LYPD6: variants seen among roughly 807,000 people sequenced by gnomAD.
LYPD6 encodes the protein LY6/PLAUR domain containing 6, also known as ly6/PLAUR domain-containing protein 6.
Under a neutral mutation model 22.7 loss-of-function variants are expected in LYPD6, and 15 were observed. The ratio of observed to expected loss-of-function variants is 0.66; its 90% CI spans 0.44 to 1.02. The LOEUF (loss-of-function observed/expected upper bound fraction) is 1.02. Among genes scored for constraint, LYPD6 ranks in the 50% least tolerant of loss-of-function variants. LYPD6 has a pLI of 0.00. For synonymous variants in LYPD6, 72 were observed against 77.5 expected (o/e 0.93, Z 0.37); for missense variants, 189 against 208.4 (o/e 0.91, Z 0.57).
intron 3 of LYPD6, among the ~76,000 whole-genome samples, chr2:149,453,184 A>T (rs1680874096): frequency 6.6e-6 from 1 of 152,218 alleles, no homozygotes; most frequent in African/African-American, 2.4e-5. Context: ...ATGGAAAAGG[A>T]TCTTGAAATC....
intron 1 of LYPD6, among the ~76,000 whole-genome samples, chr2:149,355,489 C>T (rs1314156445): frequency 2.6e-5 from 4 of 152,060 alleles, no homozygotes; most frequent in Non-Finnish European, 4.4e-5. Context: ...TTTTTGATAC[C>T]CTTCCAAAAT....
In LYPD6 at chr2:149,408,236, G is replaced by A. The variant is rs966141836; in HGVS notation, c.-71-29402G>A. 5.9e-5 allele frequency among the ~76,000 whole-genome samples: 9 copies of A among 152,230 alleles called. 1 individual carries two copies. The highest frequency in any genetic ancestry group is 1.2e-4 in the Non-Finnish European group (8 of 68,020). ...TGCCCGTTCTCAGATCTCCAGCTGCGTGCTGGGAGAACCACTGTTCTCCTC... is the reference window on the plus strand; with the variant it reads ...TGCCCGTTCTCAGATCTCCAGCTGCATGCTGGGAGAACCACTGTTCTCCTC... On this transcript the variant is annotated intron_variant, in intron 1 of 4. Transcript: ENST00000334166.
At chr2:149,408,427 G>A (rs1345163773) in intron 1 of LYPD6, among the ~76,000 whole-genome samples, 2 of 152,112 alleles carry the variant, frequency 1.3e-5, no homozygotes, top group African/African-American at 2.4e-5. Context: ...GGTGTTCTTT[G>A]AGTTTCTTCT....
At chr2:149,342,191 C>T (rs1175486397) in intron 1 of LYPD6, among the ~76,000 whole-genome samples, 3 of 152,068 alleles carry the variant, frequency 2.0e-5, no homozygotes, top group Non-Finnish European at 2.9e-5. Context: ...TTACCCTTAC[C>T]CTGGGGAAGG....
chr2:149,481,356 C>A, the LYPD6 span, among the ~76,000 whole-genome samples: 2 of 152,226 alleles, frequency 1.3e-5, no homozygotes, highest in Non-Finnish European at 2.9e-5. Context: ...AAACTAGCAT[C>A]TCTTGCTGGT....
At chr2:149,335,325 C>A (rs188584205) in intron 1 of LYPD6, among the ~76,000 whole-genome samples, 35 of 151,876 alleles carry the variant, frequency 2.3e-4, no homozygotes, top group African/African-American at 7.7e-4. Context: ...ATAGGCCCAG[C>A]CTAATGTGTG....
At chr2:149,432,365 A>G (rs1683332905) in intron 1 of LYPD6, among the ~76,000 whole-genome samples, 2 of 152,358 alleles carry the variant, frequency 1.3e-5, no homozygotes, top group South Asian at 2.1e-4. Flanking sequence ...TCATCTGATA[A>G]TGGATAAACA....
At chr2:149,347,080 T>C (rs930329108) in intron 1 of LYPD6, among the ~76,000 whole-genome samples, 6 of 152,062 alleles carry the variant, frequency 3.9e-5, no homozygotes, top group African/African-American at 1.4e-4. Flanking sequence ...GTCTGGTGAC[T>C]TGCAGATGGT....
chr2:149,356,908 A>T (rs536269818), intron 1 of LYPD6, among the ~76,000 whole-genome samples: 1 of 152,108 alleles, frequency 6.6e-6, no homozygotes, highest in Non-Finnish European at 1.5e-5. Flanking sequence ...TTGTTTACTG[A>T]TTTGTTTTCA....
At chr2:149,443,118 T>C (rs1254691387) in intron 2 of LYPD6, among the ~76,000 whole-genome samples, 9 of 152,242 alleles carry the variant, frequency 5.9e-5, no homozygotes, top group Non-Finnish European at 1.3e-4. Flanking sequence ...AGGCCTCTTA[T>C]GTAAGAAATA....
At chr2:149,404,845 A>T (rs1303406836) in intron 1 of LYPD6, among the ~76,000 whole-genome samples, 2 of 152,186 alleles carry the variant, frequency 1.3e-5, no homozygotes, top group Admixed American at 1.3e-4. Context: ...GTTTTTGCCC[A>T]TTCAGTATGA....
intron 1 of LYPD6, among the ~76,000 whole-genome samples, chr2:149,401,047 A>G (rs1217887700): frequency 6.6e-6 from 1 of 152,222 alleles, no homozygotes; most frequent in East Asian, 1.9e-4. Context: ...TGAAGGACAA[A>G]GAAGGAAAAG....
chr2:149,408,104 AGAG>A, intron 1 of LYPD6, among the ~76,000 whole-genome samples: 1 of 152,238 alleles, frequency 6.6e-6, no homozygotes, highest in East Asian at 1.9e-4. Flanking sequence ...GTTTTGTCTC[AGAG>A]GAGTACCCGG....
chr2:149,332,138 A>G (rs1680950767), intron 1 of LYPD6, among the ~76,000 whole-genome samples: 1 of 152,248 alleles, frequency 6.6e-6, no homozygotes, highest in South Asian at 2.1e-4. Flanking sequence ...ATCTGTTTTC[A>G]ATTTTAGTTT....
At chr2:149,412,836 A>T (rs1279593994) in intron 1 of LYPD6, among the ~76,000 whole-genome samples, 1 of 152,022 alleles carries the variant, frequency 6.6e-6, no homozygotes, top group Non-Finnish European at 1.5e-5. Context: ...ATAGAGAATA[A>T]TTTTTTCTAG....
chr2:149,448,016 G>A (rs1024751917), intron 2 of LYPD6, among the ~76,000 whole-genome samples: 5 of 152,126 alleles, frequency 3.3e-5, no homozygotes, highest in South Asian at 4.1e-4. Flanking sequence ...AGCATAGGCC[G>A]GGTGTGGTGG....
At chr2:149,468,403 G>A (rs1460595135) in intron 3 of LYPD6, among the ~76,000 whole-genome samples, 3 of 152,100 alleles carry the variant, frequency 2.0e-5, no homozygotes, top group Admixed American at 6.5e-5. Context: ...AAACCATTGT[G>A]TCTTGGTTTA....
At chr2:149,451,103 G>A (rs367974195) in intron 3 of LYPD6, among the ~76,000 whole-genome samples, 4 of 152,244 alleles carry the variant, frequency 2.6e-5, no homozygotes, top group East Asian at 3.9e-4. Context: ...GTTATTTCTC[G>A]CAGTTCTTGA....
intron 3 of LYPD6, among the ~76,000 whole-genome samples, chr2:149,453,334 G>T (rs982189277): frequency 6.6e-6 from 1 of 152,146 alleles, no homozygotes; most frequent in African/African-American, 2.4e-5. Context: ...TGTAAAAATG[G>T]TTATTAAAAG....
Sources: allele counts gnomAD v4.1 joint callset (sites outside exome capture counted in the v4.1 genomes callset), GRCh38; gene constraint gnomAD v4.1.1; transcripts MANE v1.5; gene names NCBI Gene and HGNC (gene_info 2026-07-23, HGNC 2026-07-21).